EXOC4: variants seen among roughly 807,000 people sequenced by gnomAD.
EXOC4 encodes the protein SEC8-like 1.
In EXOC4, 71 loss-of-function variants were observed where a neutral mutation model predicts 107.2. That is an observed-to-expected ratio of 0.66 (90% CI 0.55 to 0.81). EXOC4 has a LOEUF of 0.81. Ranked by LOEUF, EXOC4 falls within the 30% of genes least tolerant of loss-of-function variation. The pLI, the probability that EXOC4 is intolerant of heterozygous loss-of-function variation, is 0.00. For synonymous variants in EXOC4, 456 were observed against 441.2 expected, an observed-to-expected ratio of 1.03 and a Z score of -0.42; for missense variants, 1,108 against 1,189.6, an observed-to-expected ratio of 0.93 and a Z score of 1.01.
intron 7 of EXOC4, among the ~76,000 whole-genome samples, chr7:133,381,001 T>C (rs1231130130): frequency 6.6e-6 from 1 of 152,210 alleles, no homozygotes; most frequent in Non-Finnish European, 1.5e-5. Context: ...TCTGCCCTTA[T>C]CTTTTTTCTT....
intron 10 of EXOC4, among the ~76,000 whole-genome samples, chr7:133,804,545 T>C (rs1797026510): frequency 6.6e-6 from 1 of 152,156 alleles, no homozygotes; most frequent in Non-Finnish European, 1.5e-5. Flanking sequence ...TTAAATGTAA[T>C]GAAATCCATC....
At chr7:133,855,165 A>ATTTTTTTTT (rs374810348) in intron 11 of EXOC4, among the ~76,000 whole-genome samples, 3 of 136,640 alleles carry the variant, frequency 2.2e-5, no homozygotes, top group African/African-American at 8.9e-5. Flanking sequence ...AAATATATAT[A>ATTTTTTTTT]TTTTTTTTAT....
At chr7:133,911,298 A>G (rs898103538) in intron 12 of EXOC4, among the ~76,000 whole-genome samples, 1 of 152,208 alleles carries the variant, frequency 6.6e-6, no homozygotes, top group Admixed American at 6.5e-5. Context: ...TGTAACCCAC[A>G]TGATCTGGTT....
At chr7:133,253,383 T>C (rs1275543574) in intron 1 of EXOC4, 196 bp downstream of exon 1, 2 of 1,355,602 alleles carry the variant, frequency 1.5e-6, no homozygotes, top group Non-Finnish European at 1.9e-6. Flanking sequence ...GGGTTAGCTA[T>C]AGAGAGAGGA....
At chr7:133,356,899 G>T (rs1796033429) in intron 6 of EXOC4, among the ~76,000 whole-genome samples, 1 of 152,228 alleles carries the variant, frequency 6.6e-6, no homozygotes, top group African/African-American at 2.4e-5. Context: ...AGAACTGCTT[G>T]AACGCAGGAG....
At chr7:133,477,567 G>A (rs1471294423) in intron 8 of EXOC4, among the ~76,000 whole-genome samples, 1 of 152,076 alleles carries the variant, frequency 6.6e-6, no homozygotes. Context: ...AGGACATCTT[G>A]CTTGCTTCCA....
intron 7 of EXOC4, among the ~76,000 whole-genome samples, chr7:133,443,620 T>G (rs2150795840): frequency 6.6e-6 from 1 of 152,258 alleles, no homozygotes; most frequent in African/African-American, 2.4e-5. Context: ...TTCACTTCCA[T>G]GCAGGTTGTC....
At chr7:134,037,776 C>T (rs1795424929) in intron 17 of EXOC4, among the ~76,000 whole-genome samples, 1 of 152,156 alleles carries the variant, frequency 6.6e-6, no homozygotes, top group Non-Finnish European at 1.5e-5. Flanking sequence ...AAACAGAATG[C>T]CACAATGAAA....
At chr7:133,587,084 T>C (rs781528551) in intron 9 of EXOC4, among the ~76,000 whole-genome samples, 29 of 152,126 alleles carry the variant, frequency 1.9e-4, no homozygotes, top group Admixed American at 3.3e-4. Context: ...TCCACCTGCC[T>C]CGGCCTCCAG....
At chr7:134,070,330 AGTT>A (rs1796256203), downstream of EXOC4, among the ~76,000 whole-genome samples, 1 of 152,304 alleles carries the variant, frequency 6.6e-6, no homozygotes, top group South Asian at 2.1e-4. Flanking sequence ...AGCTGGAAGT[AGTT>A]GTCCTAATTT....
downstream of EXOC4, among the ~76,000 whole-genome samples, chr7:134,068,017 C>T (rs1444180058): frequency 6.6e-6 from 1 of 152,156 alleles, no homozygotes; most frequent in African/African-American, 2.4e-5. Context: ...AAGGACAAGT[C>T]CTGCTTCCAG....
intron 2 of EXOC4, among the ~76,000 whole-genome samples, chr7:133,282,490 G>T (rs1309641219): frequency 3.3e-5 from 5 of 152,090 alleles, no homozygotes; most frequent in Non-Finnish European, 7.4e-5. Context: ...AAATTAAATA[G>T]AATGAAATGA....
intron 9 of EXOC4, among the ~76,000 whole-genome samples, chr7:133,515,202 C>T (rs1015424323): frequency 1.3e-5 from 2 of 151,924 alleles, no homozygotes; most frequent in African/African-American, 4.8e-5. Context: ...ATTGTTTGTG[C>T]AATTAGTTAA....
intron 5 of EXOC4, among the ~76,000 whole-genome samples, chr7:133,353,598 T>C (rs1216113128): frequency 6.6e-6 from 1 of 152,154 alleles, no homozygotes; most frequent in East Asian, 1.9e-4. Context: ...AATTTGATTT[T>C]AATGTGTCAT....
chr7:133,884,098 T>C (rs931574768), intron 11 of EXOC4, among the ~76,000 whole-genome samples: 2 of 152,250 alleles, frequency 1.3e-5, no homozygotes, highest in Non-Finnish European at 2.9e-5. Context: ...ATGAAACATT[T>C]GTGAAGCCCC....
chr7:133,855,053 A>ATATATCTAAG (rs1368210736), intron 11 of EXOC4, among the ~76,000 whole-genome samples: 2 of 64,736 alleles, frequency 3.1e-5, no homozygotes, highest in African/African-American at 2.5e-4. Flanking sequence ...ATATATCTAA[A>ATATATCTAAG]TATATCTAAA....
intron 9 of EXOC4, chr7:133,576,765 A>G (rs1360775006): frequency 7.8e-7 from 1 of 1,289,568 alleles, no homozygotes; most frequent in South Asian, 1.2e-5. Flanking sequence ...TGGAGAGGTA[A>G]CTGTGAGGCT....
the EXOC4 span, among the ~76,000 whole-genome samples, chr7:134,075,702 G>C: frequency 6.6e-6 from 1 of 152,076 alleles, no homozygotes. Flanking sequence ...ACCATATCAG[G>C]GCTCTTCTGT....
chr7:133,407,939 TG>T lies in EXOC4; in HGVS notation c.1182+32939del, dbSNP rs1468634653. ...TAGATGATAAACCTGTGGTTAAAAA[TG>T]GTCAAATAATTTATTTGAAGTCAAC... On this transcript the variant is annotated intron_variant, in intron 7 of 17. Transcript: ENST00000253861. Among the ~76,000 whole-genome samples, 4 of 152,146 alleles carry T rather than the reference TG, an allele frequency of 2.6e-5. No homozygotes were observed. The East Asian group carries it at 7.7e-4, about 29-fold the overall frequency.
Sources: allele counts gnomAD v4.1 joint callset (sites outside exome capture counted in the v4.1 genomes callset), GRCh38; gene constraint gnomAD v4.1.1; transcripts MANE v1.5; gene names NCBI Gene and HGNC (gene_info 2026-07-23, HGNC 2026-07-21).